The following FOCAD variants were observed in gnomAD, a reference collection of about 807,000 sequenced individuals.
FOCAD encodes the protein KIAA1797.
A neutral mutation model predicts 225.6 loss-of-function variants in FOCAD; 198 were observed. The observed-to-expected ratio is 0.88, with a 90% CI of 0.78 to 0.99. The LOEUF (loss-of-function observed/expected upper bound fraction) is 0.99. Ranked by LOEUF, FOCAD falls within the 50% of genes least tolerant of loss-of-function variation. FOCAD has a pLI of 0.00. For missense variants in FOCAD, 2,713 were observed against 2,123.6 expected (o/e 1.28, Z -5.46); for synonymous variants, 897 against 755.0 (o/e 1.19, Z -3.08).
intron 21 of FOCAD, among the ~76,000 whole-genome samples, chr9:20,898,321 G>GT (rs139301767): frequency 9.0e-4 from 133 of 148,204 alleles, no homozygotes; most frequent in Middle Eastern, 3.5e-3. Context: ...CATTTCTTCT[G>GT]TTTTTTTTTT....
At chr9:20,743,439 T>TG (rs1827790628) in intron 5 of FOCAD, among the ~76,000 whole-genome samples, 1 of 152,246 alleles carries the variant, frequency 6.6e-6, no homozygotes, top group African/African-American at 2.4e-5. Flanking sequence ...ACAGAATACT[T>TG]GGTCATCTTA....
intron 11 of FOCAD, among the ~76,000 whole-genome samples, chr9:20,799,526 C>T (rs562368513): frequency 1.1e-4 from 16 of 151,944 alleles, no homozygotes; most frequent in East Asian, 1.9e-4. Flanking sequence ...TGAATCTGGG[C>T]GCTCCTGTAT....
chr9:20,897,815 C>G (rs534380875), intron 21 of FOCAD, among the ~76,000 whole-genome samples: 21 of 151,812 alleles, frequency 1.4e-4, no homozygotes, highest in African/African-American at 5.1e-4. Flanking sequence ...ATTTCATGTT[C>G]ACTTATCCCT....
upstream of FOCAD, chr9:20,683,887 C>T (rs139689497): frequency 2.0e-5 from 3 of 152,194 alleles, no homozygotes; most frequent in Non-Finnish European, 2.9e-5. Context: ...AGAAGCTGTT[C>T]TGTATTGCCA....
chr9:20,902,235 G>T (rs980922170), intron 21 of FOCAD, among the ~76,000 whole-genome samples: 1 of 151,924 alleles, frequency 6.6e-6, no homozygotes, highest in Admixed American at 6.6e-5. Context: ...GTGGAGTGTT[G>T]TGGGAGAGGC....
At chr9:20,820,818 G>A (rs1315196046) in intron 13 of FOCAD, 123 bp from the exon 14 acceptor site, 1 of 1,060,842 alleles carries the variant, frequency 9.4e-7, no homozygotes. Flanking sequence ...CTGATTAGAA[G>A]AACGACAGTA....
chr9:20,850,913 C>T (rs1489776714), intron 15 of FOCAD, among the ~76,000 whole-genome samples: 1 of 150,026 alleles, frequency 6.7e-6, no homozygotes, highest in Non-Finnish European at 1.5e-5. Context: ...TCAGTCTCTA[C>T]TACCTGATGC....
intron 39 of FOCAD, among the ~76,000 whole-genome samples, chr9:20,982,840 CA>C (rs1312720394): frequency 6.6e-6 from 1 of 152,160 alleles, no homozygotes; most frequent in African/African-American, 2.4e-5. Context: ...GTAAAGTTGC[CA>C]GATTTAGCAA....
intron 5 of FOCAD, among the ~76,000 whole-genome samples, chr9:20,747,251 T>G (rs529334234): frequency 6.6e-6 from 1 of 152,254 alleles, no homozygotes; most frequent in African/African-American, 2.4e-5. Context: ...AAATGACTAT[T>G]AAGCTATCAA....
At chr9:20,854,833 A>G (rs1044751945) in intron 15 of FOCAD, among the ~76,000 whole-genome samples, 3 of 151,754 alleles carry the variant, frequency 2.0e-5, no homozygotes, top group Non-Finnish European at 4.4e-5. Context: ...TTGATTGATT[A>G]CATGTTTTGC....
chr9:20,846,716 T>C (rs2131596981), intron 15 of FOCAD, among the ~76,000 whole-genome samples: 1 of 152,274 alleles, frequency 6.6e-6, no homozygotes. Context: ...TAATGATACG[T>C]ATCCAGCCTA....
At chr9:20,793,788 A>G (rs1820785402) in intron 11 of FOCAD, among the ~76,000 whole-genome samples, 1 of 152,226 alleles carries the variant, frequency 6.6e-6, no homozygotes, top group African/African-American at 2.4e-5. Context: ...TGAGAGGGGA[A>G]TCAGAGCAGG....
chr9:20,768,783 G>A (rs887539990), intron 7 of FOCAD, among the ~76,000 whole-genome samples: 1 of 152,054 alleles, frequency 6.6e-6, no homozygotes, highest in Non-Finnish European at 1.5e-5. Context: ...TTTTATAGAT[G>A]TAGAATAGTC....
At chr9:20,848,565 G>A (rs1177086282) in intron 15 of FOCAD, among the ~76,000 whole-genome samples, 2 of 151,960 alleles carry the variant, frequency 1.3e-5, no homozygotes, top group Non-Finnish European at 2.9e-5. Context: ...AAGAGGGTAA[G>A]CTAAGGTCAG....
intron 10 of FOCAD, chr9:20,786,958 T>G: frequency 2.1e-6 from 1 of 474,474 alleles, no homozygotes. Context: ...CCTCAGGCTA[T>G]GGGGCCAGGA....
chr9:20,840,812 A>G (rs1300296372), intron 15 of FOCAD, among the ~76,000 whole-genome samples: 1 of 151,974 alleles, frequency 6.6e-6, no homozygotes, highest in Non-Finnish European at 1.5e-5. Context: ...TTGTAGAGGG[A>G]AGAATTTCAG....
At chr9:20,720,248 A>G (rs1319701809) in intron 3 of FOCAD, 132 bp from the exon 4 acceptor site, 3 of 862,910 alleles carry the variant, frequency 3.5e-6, no homozygotes, top group South Asian at 1.7e-5. Context: ...GAACAGAGTG[A>G]CAACAGCATC....
chr9:20,702,449 T>C (rs1465664585), intron 1 of FOCAD, among the ~76,000 whole-genome samples: 5 of 152,228 alleles, frequency 3.3e-5, no homozygotes, highest in African/African-American at 7.2e-5. Context: ...ATCTATACTT[T>C]ATTAAAGAGT....
intron 21 of FOCAD, among the ~76,000 whole-genome samples, chr9:20,897,788 AG>A (rs1488016328): frequency 6.6e-6 from 1 of 151,838 alleles, no homozygotes; most frequent in Non-Finnish European, 1.5e-5. Context: ...AATTAAGAAT[AG>A]GAAAATAAAA....
Sources: allele counts gnomAD v4.1 joint callset (sites outside exome capture counted in the v4.1 genomes callset), GRCh38; gene constraint gnomAD v4.1.1; transcripts MANE v1.5; gene names NCBI Gene and HGNC (gene_info 2026-07-23, HGNC 2026-07-21).